CYP2C19: variants seen among roughly 807,000 people sequenced by gnomAD.
CYP2C19 encodes cytochrome P450 2C19.
A neutral mutation model predicts 40.9 loss-of-function variants in CYP2C19; 59 were observed. That is an observed-to-expected ratio of 1.44 (90% confidence interval 1.17 to 1.79). The LOEUF is 1.79. CYP2C19 is among the 40% of genes most tolerant of loss of function. CYP2C19 has a pLI of 0.00. For synonymous variants in CYP2C19, 253 were observed against 208.7 expected (o/e 1.21, Z -1.83); for missense variants, 754 against 596.9 (o/e 1.26, Z -2.74).
At chr10:94,780,955 C>G (rs1292622747) in intron 4 of CYP2C19, among the ~76,000 whole-genome samples, 1 of 152,142 alleles carries the variant, frequency 6.6e-6, no homozygotes, top group Non-Finnish European at 1.5e-5. Flanking sequence ...CCAAAGCGTG[C>G]TTATATCACT....
At chr10:94,764,989 C>T (rs1589815815) in intron 1 of CYP2C19, among the ~76,000 whole-genome samples, 2 of 152,054 alleles carry the variant, frequency 1.3e-5, no homozygotes, top group South Asian at 4.2e-4. Context: ...TTATACTCTT[C>T]CCCTAAGAAG....
chr10:94,769,110 A>G (rs1248404230), intron 1 of CYP2C19, among the ~76,000 whole-genome samples: 1 of 152,138 alleles, frequency 6.6e-6, no homozygotes, highest in Non-Finnish European at 1.5e-5. Flanking sequence ...CCCTCTGGCT[A>G]AGATTAGGCC....
intron 5 of CYP2C19, among the ~76,000 whole-genome samples, chr10:94,787,548 G>A (rs1216393796): frequency 6.6e-6 from 1 of 151,874 alleles, no homozygotes; most frequent in African/African-American, 2.4e-5. Flanking sequence ...GCTTTTGAGG[G>A]ATTATTCATA....
In CYP2C19 at chr10:94,777,815, GC is replaced by G. The variant is rs565898789; in HGVS notation, c.481+2277del. ...AAATTGACAAATGGTAAACTAAAGA[GC>G]TTCTGCATAGCAAAGGAAACTATCA... On this transcript the variant is annotated intron_variant, in intron 3 of 8. Coordinates refer to ENST00000371321, the MANE Select transcript of CYP2C19 (RefSeq NM_000769.4). Among the ~76,000 whole-genome samples, 13 of 152,180 alleles carry G rather than the reference GC, an allele frequency of 8.5e-5. No individual in the cohort carries two copies. The South Asian group carries it at 2.5e-3, about 29-fold the overall frequency.
chr10:94,811,953 G>GC (rs1554852085), intron 5 of CYP2C19, among the ~76,000 whole-genome samples: 65 of 151,942 alleles, frequency 4.3e-4, no homozygotes, highest in African/African-American at 1.5e-3. Context: ...AGTTGATGCA[G>GC]TTTTTTTATA....
At chr10:94,831,439 C>A (rs1161300049) in intron 6 of CYP2C19, among the ~76,000 whole-genome samples, 1 of 152,114 alleles carries the variant, frequency 6.6e-6, no homozygotes, top group East Asian at 1.9e-4. Flanking sequence ...TTTTAAAAAA[C>A]TTACAATATA....
Position 94,842,903 on chromosome 10 carries a change from G to T in CYP2C19, c.1028G>T (p.Gly343Val). 6.2e-7 allele frequency: 1 copy of T among 1,614,168 alleles called. No homozygotes were observed. Among genetic ancestry groups the T allele is most frequent in the Non-Finnish European group, 8.5e-7 (1 of 1,180,030 alleles). ...RNRSPCMQDR[G>V]HMPYTDAVVH... is the part of the protein sequence containing the mutation. ...CGGAGCCCCTGCATGCAGGACAGGGGCCACATGCCCTACACAGATGCTGTG... is the reference window on the plus strand; with the variant it reads ...CGGAGCCCCTGCATGCAGGACAGGGTCCACATGCCCTACACAGATGCTGTG... Residue 343 changes from glycine (G) to valine (V), a missense_variant, in exon 7 of 9, where the codon GGC becomes GTC. Coordinates refer to ENST00000371321, the MANE Select transcript of CYP2C19 (RefSeq NM_000769.4).
At chr10:94,791,849 T>A (rs1013968186) in intron 5 of CYP2C19, among the ~76,000 whole-genome samples, 10 of 152,158 alleles carry the variant, frequency 6.6e-5, no homozygotes, top group Non-Finnish European at 1.2e-4. Context: ...TCTGTTGATT[T>A]GGGGTGGAGA....
intron 1 of CYP2C19, among the ~76,000 whole-genome samples, chr10:94,765,394 A>C (rs1397251930): frequency 6.6e-6 from 1 of 152,076 alleles, no homozygotes; most frequent in African/African-American, 2.4e-5. Flanking sequence ...CATAAGAAGA[A>C]TATACCTTGG....
chr10:94,852,741 A>G lies in CYP2C19; in HGVS notation c.1300A>G (p.Ile434Val), dbSNP rs1849672873. Residue 434 changes from isoleucine (I) to valine (V), a missense_variant, in exon 9 of 9, where the codon ATT becomes GTT. Physicochemically the swap from Ile to Val is conservative, Grantham distance 29. Transcript: ENST00000371321. Reference sequence around the variant, plus strand: ...ATGTTTGTTATTTTCAGGAAAACGGATTTGTGTGGGAGAGGGCCTGGCCCG... The same window carrying G: ...ATGTTTGTTATTTTCAGGAAAACGGGTTTGTGTGGGAGAGGGCCTGGCCCG... ...YFMPFSAGKRICVGEGLARME... is the reference protein window; with the variant it reads ...YFMPFSAGKRVCVGEGLARME... 6.2e-7 allele frequency: 1 copy of G among 1,613,682 alleles called. No individual in the cohort carries two copies. The highest frequency in any genetic ancestry group is 1.3e-5 in the African/African-American group (1 of 74,900).
At chr10:94,765,746 T>C (rs1848231684) in intron 1 of CYP2C19, among the ~76,000 whole-genome samples, 1 of 151,986 alleles carries the variant, frequency 6.6e-6, no homozygotes, top group Non-Finnish European at 1.5e-5. Context: ...GGTGATGATA[T>C]TTTGGGGCCC....
chr10:94,802,183 C>G (rs1374761438), intron 5 of CYP2C19, among the ~76,000 whole-genome samples: 3 of 152,142 alleles, frequency 2.0e-5, no homozygotes. Context: ...GTCCAGTTTA[C>G]AAACCTCTAG....
chr10:94,808,951 G>A (rs1431793131), intron 5 of CYP2C19, among the ~76,000 whole-genome samples: 2 of 152,076 alleles, frequency 1.3e-5, no homozygotes, highest in Non-Finnish European at 2.9e-5. Flanking sequence ...GATATACCTA[G>A]CAGTGGGATT....
At chr10:94,798,045 G>C (rs1316692339) in intron 5 of CYP2C19, among the ~76,000 whole-genome samples, 1 of 151,922 alleles carries the variant, frequency 6.6e-6, no homozygotes, top group East Asian at 1.9e-4. Flanking sequence ...TTTGGAATTT[G>C]TTTGCTCTTG....
intron 7 of CYP2C19, 142 bp from the exon 8 acceptor site, chr10:94,849,775 T>C (rs1849624427): frequency 5.8e-6 from 6 of 1,026,878 alleles, no homozygotes. Context: ...ACTTCGTCTA[T>C]CTGTCTGGAA....
At chr10:94,834,745 T>C (rs1300088311) in intron 6 of CYP2C19, among the ~76,000 whole-genome samples, 5 of 152,166 alleles carry the variant, frequency 3.3e-5, no homozygotes, top group Non-Finnish European at 2.9e-5. Flanking sequence ...TTTGCCTAAT[T>C]AGCATTTTAG....
chr10:94,811,457 A>G (rs1564672676), intron 5 of CYP2C19, among the ~76,000 whole-genome samples: 3 of 152,062 alleles, frequency 2.0e-5, no homozygotes, highest in African/African-American at 7.2e-5. Context: ...TGTCTCATTG[A>G]TCTGTCTAAT....
At chr10:94,796,149 T>A (rs1848682962) in intron 5 of CYP2C19, among the ~76,000 whole-genome samples, 3 of 152,222 alleles carry the variant, frequency 2.0e-5, no homozygotes, top group Admixed American at 2.0e-4. Context: ...ATGTAAGTCT[T>A]TAATCCATCT....
chr10:94,826,802 A>T (rs1177666932), intron 6 of CYP2C19, among the ~76,000 whole-genome samples: 1 of 152,166 alleles, frequency 6.6e-6, no homozygotes, highest in East Asian at 1.9e-4. Context: ...GGTTTGTCAT[A>T]GATAGCTCTT....
Sources: allele counts gnomAD v4.1 joint callset (sites outside exome capture counted in the v4.1 genomes callset), GRCh38; gene constraint gnomAD v4.1.1; transcripts MANE v1.5; gene names NCBI Gene and HGNC (gene_info 2026-07-23, HGNC 2026-07-21).